Variants in JAKMIP2 observed in about 807,000 individuals in gnomAD.
The protein encoded by JAKMIP2 is janus kinase and microtubule-interacting protein 2.
In JAKMIP2, 25 loss-of-function variants were observed where a neutral mutation model predicts 115.0. That is an observed-to-expected ratio of 0.22 (90% CI 0.16 to 0.30). JAKMIP2 has a LOEUF of 0.30. Ranked by LOEUF, JAKMIP2 falls within the 10% of genes least tolerant of loss-of-function variation. The pLI, the probability that JAKMIP2 is intolerant of heterozygous loss-of-function variation, is 1.00. For missense variants in JAKMIP2, 642 were observed against 957.6 expected (o/e 0.67, Z 4.35); for synonymous variants, 334 against 343.6 (o/e 0.97, Z 0.31).
intron 1 of JAKMIP2, among the ~76,000 whole-genome samples, chr5:147,759,766 G>C (rs1580888107): frequency 6.6e-6 from 1 of 152,256 alleles, no homozygotes; most frequent in East Asian, 1.9e-4. Context: ...AAGAGATCAG[G>C]AGAGGAGTCT....
At chr5:147,626,389 C>A (rs149644255) in intron 16 of JAKMIP2, among the ~76,000 whole-genome samples, 2 of 152,144 alleles carry the variant, frequency 1.3e-5, no homozygotes, top group African/African-American at 2.4e-5. Context: ...GCCTCAGCTC[C>A]GACAGCCCAG....
intron 20 of JAKMIP2, among the ~76,000 whole-genome samples, chr5:147,607,862 G>C (rs1249723631): frequency 3.3e-5 from 5 of 152,096 alleles, no homozygotes; most frequent in African/African-American, 1.2e-4. Context: ...ACTTCTTATT[G>C]GTCTATTCAG....
At chr5:147,610,109 T>C (rs1239800908) in intron 20 of JAKMIP2, among the ~76,000 whole-genome samples, 1 of 152,196 alleles carries the variant, frequency 6.6e-6, no homozygotes, top group Admixed American at 6.5e-5. Context: ...TTAGCTTCCT[T>C]ACATTGGGTT....
At chr5:147,732,131 C>T (rs1310689818) in intron 1 of JAKMIP2, among the ~76,000 whole-genome samples, 9 of 152,246 alleles carry the variant, frequency 5.9e-5, no homozygotes, top group Admixed American at 2.0e-4. Context: ...CTGAGTTTTC[C>T]TCAAAGAAAG....
intron 17 of JAKMIP2, among the ~76,000 whole-genome samples, chr5:147,622,720 T>C (rs1321268694): frequency 3.3e-5 from 5 of 152,226 alleles, no homozygotes; most frequent in Non-Finnish European, 7.3e-5. Flanking sequence ...AACATGGGTG[T>C]ATAAATATCT....
intron 1 of JAKMIP2, among the ~76,000 whole-genome samples, chr5:147,748,292 C>G (rs1161443848): frequency 6.6e-6 from 1 of 151,900 alleles, no homozygotes; most frequent in Admixed American, 6.6e-5. Context: ...TATATAAATC[C>G]CACAGAACAG....
In JAKMIP2 at chr5:147,639,779, A is replaced by AG; in HGVS notation, c.1402-20dup. On this transcript the variant is annotated intron_variant, in intron 9 of 21. Coordinates refer to ENST00000616793, the MANE Select transcript of JAKMIP2 (RefSeq NM_001270941.2). ...CTAAACTCTTGAGGTTAAGAAAAAA[A>AG]GCCCCAAAACAATTGTGTTATGTTC... is the stretch of plus-strand genomic sequence containing the variant. 6.3e-7 allele frequency: 1 copy of AG among 1,588,198 alleles called. No individual in the cohort carries two copies. Among genetic ancestry groups the AG allele is most frequent in the Admixed American group, 1.7e-5 (1 of 57,656 alleles).
intron 1 of JAKMIP2, among the ~76,000 whole-genome samples, chr5:147,691,159 C>T (rs550405112): frequency 4.6e-5 from 7 of 152,182 alleles, no homozygotes; most frequent in African/African-American, 1.2e-4. Context: ...GAGACACAAG[C>T]ATTGCATAAG....
intron 1 of JAKMIP2, among the ~76,000 whole-genome samples, chr5:147,743,368 G>A (rs1754223395): frequency 6.6e-6 from 1 of 152,204 alleles, no homozygotes; most frequent in African/African-American, 2.4e-5. Flanking sequence ...AGTAGTATTT[G>A]AGTGGGTGTT....
At chr5:147,781,614 C>T (rs979212457) in intron 1 of JAKMIP2, among the ~76,000 whole-genome samples, 6 of 152,244 alleles carry the variant, frequency 3.9e-5, no homozygotes, top group Middle Eastern at 6.8e-3. Context: ...ACAGATCAAA[C>T]GATAGGCATC....
intron 1 of JAKMIP2, among the ~76,000 whole-genome samples, chr5:147,764,991 GGAGA>G (rs71001457): frequency 2.2e-4 from 8 of 37,152 alleles, no homozygotes; most frequent in Admixed American, 3.5e-4. Flanking sequence ...AGAGAGAGAG[GGAGA>G]GAGAGAGAGA....
intron 1 of JAKMIP2, among the ~76,000 whole-genome samples, chr5:147,780,997 A>G (rs1260349991): frequency 6.6e-6 from 1 of 152,182 alleles, no homozygotes; most frequent in African/African-American, 2.4e-5. Flanking sequence ...GCGGGAATGG[A>G]ACCTCCTCAT....
In JAKMIP2 at chr5:147,777,291, G is replaced by A. The variant is rs114438823; in HGVS notation, c.-149+5165C>T. ...ATCATAAGAAGTATTTAAAAGTAAA[G>A]TGTGAACACTCTCAAGTGGGGGAAA... On this transcript the variant is annotated intron_variant, in intron 1 of 21. Coordinates refer to ENST00000616793, the MANE Select transcript of JAKMIP2 (RefSeq NM_001270941.2). Among the ~76,000 whole-genome samples the A allele has an allele frequency of 4.6e-3, 706 of 152,292 alleles. 4 individuals carry two copies. Among genetic ancestry groups the A allele is most frequent in the Non-Finnish European group, 7.6e-3 (515 of 68,032 alleles).
chr5:147,769,261 C>T (rs1355536178), intron 1 of JAKMIP2, among the ~76,000 whole-genome samples: 3 of 152,056 alleles, frequency 2.0e-5, no homozygotes, highest in Non-Finnish European at 4.4e-5. Context: ...AATCATCTTC[C>T]TCATCATCAT....
intron 1 of JAKMIP2, among the ~76,000 whole-genome samples, chr5:147,674,840 A>T (rs1410881935): frequency 6.6e-6 from 1 of 152,236 alleles, no homozygotes; most frequent in Non-Finnish European, 1.5e-5. Flanking sequence ...TCTGGACTGC[A>T]CTGCCTTGTA....
chr5:147,770,337 G>A (rs1293142417), intron 1 of JAKMIP2, among the ~76,000 whole-genome samples: 1 of 151,978 alleles, frequency 6.6e-6, no homozygotes, highest in Non-Finnish European at 1.5e-5. Context: ...CTGGGTCAGA[G>A]GTTCTAAATG....
intron 1 of JAKMIP2, among the ~76,000 whole-genome samples, chr5:147,701,755 C>A (rs905075102): frequency 1.3e-5 from 2 of 152,152 alleles, no homozygotes; most frequent in African/African-American, 4.8e-5. Flanking sequence ...GAGGATGCAG[C>A]AAGTAGGTGC....
At chr5:147,743,048 T>A (rs1754209181) in intron 1 of JAKMIP2, among the ~76,000 whole-genome samples, 1 of 152,246 alleles carries the variant, frequency 6.6e-6, no homozygotes, top group African/African-American at 2.4e-5. Flanking sequence ...GTACCTGTAA[T>A]CATAATCAAC....
intron 20 of JAKMIP2, among the ~76,000 whole-genome samples, chr5:147,603,316 G>C (rs1414068382): frequency 6.6e-6 from 1 of 152,158 alleles, no homozygotes; most frequent in Non-Finnish European, 1.5e-5. Flanking sequence ...GAGTAATTAT[G>C]AGAATCAGAT....
Sources: gnomAD v4.1 joint callset for allele counts (sites outside exome capture counted in the v4.1 genomes callset) on GRCh38, gnomAD v4.1.1 for gene constraint, MANE v1.5 for transcripts, NCBI Gene and HGNC (gene_info 2026-07-23, HGNC 2026-07-21) for gene names.